The following DLGAP2 variants were observed in gnomAD, a reference collection of about 807,000 sequenced individuals.
DLGAP2 encodes the protein disks large-associated protein 2.
A neutral mutation model predicts 100.3 loss-of-function variants in DLGAP2; 26 were observed. The ratio of observed to expected loss-of-function variants is 0.26; its 90% confidence interval spans 0.19 to 0.36. The LOEUF (loss-of-function observed/expected upper bound fraction) is 0.36, where lower values mean the gene tolerates loss of function less well. Among genes scored for constraint, DLGAP2 ranks in the 10% least tolerant of loss-of-function variants. The pLI is 1.00. For missense variants in DLGAP2, 1,858 were observed against 1,453.2 expected, an observed-to-expected ratio of 1.28 and a Z score of -4.53; for synonymous variants, 886 against 630.1, an observed-to-expected ratio of 1.41 and a Z score of -6.08.
chr8:1,474,066 T>C (rs902047997), intron 3 of DLGAP2, among the ~76,000 whole-genome samples: 1 of 152,270 alleles, frequency 6.6e-6, no homozygotes, highest in East Asian at 1.9e-4. Flanking sequence ...CCAAAGTCCA[T>C]TGTATCATTC....
At chr8:1,330,289 G>C (rs1334288610) in intron 3 of DLGAP2, among the ~76,000 whole-genome samples, 4 of 151,510 alleles carry the variant, frequency 2.6e-5, no homozygotes, top group African/African-American at 9.8e-5. Context: ...CTGAGTTCTG[G>C]GTGGGAGCAC....
Position 1,244,146 on chromosome 8 carries a change from G to A in DLGAP2, c.74-14705G>A, listed in dbSNP as rs151202388. 1.8e-4 allele frequency among the ~76,000 whole-genome samples: 28 copies of A among 152,350 alleles called. 1 individual carries two copies. Among genetic ancestry groups the A allele is most frequent in the African/African-American group, 6.3e-4 (26 of 41,582 alleles). ...CGGATGCTCCCAGGTGTGGGCTCCTGTACATGCCAGAGGCTCTTCGATGCC... is the reference window on the plus strand; with the variant it reads ...CGGATGCTCCCAGGTGTGGGCTCCTATACATGCCAGAGGCTCTTCGATGCC... On this transcript the variant is annotated intron_variant, in intron 2 of 14. Coordinates refer to ENST00000637795, the MANE Select transcript of DLGAP2 (RefSeq NM_001346810.2).
intron 5 of DLGAP2, among the ~76,000 whole-genome samples, chr8:1,552,478 G>T (rs1801802830): frequency 6.6e-6 from 1 of 152,180 alleles, no homozygotes; most frequent in African/African-American, 2.4e-5. Context: ...ACCTCCTCGG[G>T]CTGTTTCTGT....
intron 2 of DLGAP2, among the ~76,000 whole-genome samples, chr8:984,195 T>C (rs1800422409): frequency 2.6e-5 from 4 of 152,338 alleles, no homozygotes; most frequent in African/African-American, 9.6e-5. Flanking sequence ...TCCTGGATTC[T>C]AGCCCAGTTT....
chr8:1,025,960 A>G (rs779396894), intron 2 of DLGAP2, among the ~76,000 whole-genome samples: 5 of 152,234 alleles, frequency 3.3e-5, no homozygotes, highest in African/African-American at 4.8e-5. Context: ...TGGGACGCAC[A>G]TCTGGGCTCC....
intron 8 of DLGAP2, among the ~76,000 whole-genome samples, chr8:1,666,425 T>C (rs1041317218): frequency 2.2e-4 from 33 of 152,258 alleles, no homozygotes; most frequent in African/African-American, 7.7e-4. Flanking sequence ...GTAATCCCAG[T>C]ACTTTGGGAG....
intron 4 of DLGAP2, among the ~76,000 whole-genome samples, chr8:1,540,743 C>A (rs2130489578): frequency 6.6e-6 from 1 of 152,354 alleles, no homozygotes. Flanking sequence ...GCAGTGCTTC[C>A]TCTCAGAAGC....
chr8:1,387,560 C>G (rs948437007), intron 3 of DLGAP2, among the ~76,000 whole-genome samples: 9 of 152,174 alleles, frequency 5.9e-5, no homozygotes, highest in African/African-American at 2.2e-4. Flanking sequence ...TCTGACGCCA[C>G]TGAACTGCAC....
intron 1 of DLGAP2, among the ~76,000 whole-genome samples, chr8:811,411 G>C (rs976485070): frequency 5.6e-5 from 8 of 143,356 alleles, no homozygotes; most frequent in Non-Finnish European, 1.2e-4. Flanking sequence ...GGCTCCTGCC[G>C]TGGTGAGAGG....
chr8:1,286,180 A>T (rs375742289), intron 3 of DLGAP2, among the ~76,000 whole-genome samples: 271 of 152,282 alleles, frequency 1.8e-3, no homozygotes, highest in African/African-American at 6.2e-3. Flanking sequence ...TGATGGTTTT[A>T]TAAGGGGCGT....
intron 3 of DLGAP2, among the ~76,000 whole-genome samples, chr8:1,452,286 C>A (rs778844213): frequency 6.6e-6 from 1 of 152,036 alleles, no homozygotes; most frequent in African/African-American, 2.4e-5. Flanking sequence ...TGTGGCTGGG[C>A]GCTCTGTTGC....
chr8:1,246,144 G>A (rs1798896693), intron 2 of DLGAP2, among the ~76,000 whole-genome samples: 2 of 152,136 alleles, frequency 1.3e-5, no homozygotes, highest in Admixed American at 1.3e-4. Context: ...GGTGTCTTCT[G>A]AATGCTTTGT....
chr8:1,302,801 T>TC (rs1422175600), intron 3 of DLGAP2, among the ~76,000 whole-genome samples: 1 of 152,260 alleles, frequency 6.6e-6, no homozygotes, highest in African/African-American at 2.4e-5. Flanking sequence ...GCTTGGCTCT[T>TC]CCCCTCGCCC....
chr8:1,319,762 A>G (rs1800852798), intron 3 of DLGAP2, among the ~76,000 whole-genome samples: 1 of 152,186 alleles, frequency 6.6e-6, no homozygotes, highest in African/African-American at 2.4e-5. Context: ...GACAGTTTCC[A>G]GGCAGGGAGA....
intron 3 of DLGAP2, among the ~76,000 whole-genome samples, chr8:1,354,470 G>T (rs900212601): frequency 1.3e-5 from 2 of 152,212 alleles, no homozygotes; most frequent in African/African-American, 4.8e-5. Context: ...CTGATATTGA[G>T]CCGCTGCACT....
intron 2 of DLGAP2, among the ~76,000 whole-genome samples, chr8:1,009,464 T>C (rs551738027): frequency 3.3e-5 from 5 of 152,240 alleles, no homozygotes; most frequent in Admixed American, 2.0e-4. Context: ...GGACAGACTT[T>C]TGGTATTGCT....
intron 1 of DLGAP2, among the ~76,000 whole-genome samples, chr8:900,693 C>CT (rs1305999854): frequency 6.6e-6 from 1 of 152,188 alleles, no homozygotes; most frequent in Non-Finnish European, 1.5e-5. Context: ...CAGGAGGCGG[C>CT]TGCAGCCCGA....
chr8:1,606,823 A>T (rs1385779337), intron 6 of DLGAP2, among the ~76,000 whole-genome samples: 1 of 152,150 alleles, frequency 6.6e-6, no homozygotes. Flanking sequence ...AGCTGGGTCC[A>T]CAGATGTACA....
At chr8:1,410,167 C>A (rs1796687379) in intron 3 of DLGAP2, among the ~76,000 whole-genome samples, 3 of 152,170 alleles carry the variant, frequency 2.0e-5, no homozygotes, top group Admixed American at 6.5e-5. Flanking sequence ...CCTCGATCTG[C>A]TGAGGAGACT....
Sources: allele counts gnomAD v4.1 joint callset (sites outside exome capture counted in the v4.1 genomes callset), GRCh38; gene constraint gnomAD v4.1.1; transcripts MANE v1.5; gene names NCBI Gene and HGNC (gene_info 2026-07-23, HGNC 2026-07-21).